The following DMD variants were observed in gnomAD, a reference collection of about 807,000 sequenced individuals.
DMD encodes mutant dystrophin.
A neutral mutation model predicts 330.1 loss-of-function variants in DMD; 63 were observed. The ratio of observed to expected loss-of-function variants is 0.19; its 90% CI spans 0.16 to 0.24. DMD has a LOEUF of 0.24. Among genes scored for constraint, DMD ranks in the 10% least tolerant of loss-of-function variants. The pLI is 1.00. For synonymous variants in DMD, 1,223 were observed against 959.8 expected (o/e 1.27, Z -5.07); for missense variants, 3,344 against 2,684.1 (o/e 1.25, Z -5.43).
At chrX:32,260,351 T>C (rs1207333807) in intron 43 of DMD, among the ~76,000 whole-genome samples, 1 of 111,730 alleles carries the variant, frequency 9.0e-6, no homozygotes, top group Non-Finnish European at 1.9e-5. Context: ...AAGCATTCAT[T>C]AGGCCACTTT....
intron 55 of DMD, among the ~76,000 whole-genome samples, chrX:31,619,091 C>G (rs1336040594): frequency 9.0e-6 from 1 of 110,787 alleles, no homozygotes; most frequent in Non-Finnish European, 1.9e-5. Context: ...AAAAAGGTAG[C>G]TATTATTATT....
intron 7 of DMD, among the ~76,000 whole-genome samples, chrX:32,785,203 TAAAA>T (rs550668969): frequency 1.0e-5 from 1 of 99,770 alleles, no homozygotes; most frequent in Non-Finnish European, 2.1e-5. Flanking sequence ...ATAAAAGCAT[TAAAA>T]AAAAAAAACC....
chrX:32,485,142 C>T, intron 20 of DMD, 43 bp from the exon 21 acceptor site: 2 of 1,162,086 alleles, frequency 1.7e-6, no homozygotes, highest in South Asian at 1.8e-5. Flanking sequence ...GTTTACTTTG[C>T]ATACATTACA....
chrX:31,734,226 AT>A (rs756808124), intron 51 of DMD, among the ~76,000 whole-genome samples: 109 of 108,042 alleles, frequency 1.0e-3, no homozygotes, highest in African/African-American at 3.2e-3. Flanking sequence ...ATATATATAT[AT>A]TTTTTTTCTG....
chrX:32,086,735 C>A (rs1238504726), intron 44 of DMD, among the ~76,000 whole-genome samples: 1 of 111,417 alleles, frequency 9.0e-6, no homozygotes, highest in African/African-American at 3.3e-5. Context: ...TGTCAACAAT[C>A]TAATTAAGGT....
intron 44 of DMD, among the ~76,000 whole-genome samples, chrX:32,040,901 C>T (rs933730883): frequency 3.6e-5 from 4 of 111,043 alleles, no homozygotes; most frequent in African/African-American, 1.3e-4. Context: ...ACATTCAGAA[C>T]CAAGGTGCAG....
At chrX:31,341,113 TAA>T (rs779675048) in intron 61 of DMD, among the ~76,000 whole-genome samples, 3 of 111,893 alleles carry the variant, frequency 2.7e-5, no homozygotes, top group Non-Finnish European at 5.6e-5. Context: ...AGGCATGCAT[TAA>T]GTTATACTAT....
chrX:31,467,588 C>A (rs772114286), intron 59 of DMD, among the ~76,000 whole-genome samples: 1 of 111,501 alleles, frequency 9.0e-6, no homozygotes, highest in Non-Finnish European at 1.9e-5. Context: ...TGAGGATTTT[C>A]GCATTGATGT....
intron 33 of DMD, among the ~76,000 whole-genome samples, chrX:32,381,104 T>A (rs761504628): frequency 9.0e-6 from 1 of 111,623 alleles, no homozygotes; most frequent in South Asian, 3.7e-4. Context: ...TGGTAAGGAA[T>A]CAAAATGAAG....
chrX:32,729,094 C>G (rs765281013), intron 7 of DMD, among the ~76,000 whole-genome samples: 1 of 111,903 alleles, frequency 8.9e-6, no homozygotes, highest in African/African-American at 3.2e-5. Flanking sequence ...GGTTGAACAT[C>G]CCTAATAGGA....
At chrX:31,162,218 T>C (rs1369377139) in intron 74 of DMD, among the ~76,000 whole-genome samples, 2 of 109,921 alleles carry the variant, frequency 1.8e-5, no homozygotes, top group Non-Finnish European at 3.8e-5. Context: ...ACTCAGTAAC[T>C]ATCTGCAGAA....
intron 55 of DMD, among the ~76,000 whole-genome samples, chrX:31,604,951 A>G (rs762177968): frequency 8.9e-6 from 1 of 112,302 alleles, no homozygotes; most frequent in East Asian, 2.8e-4. Flanking sequence ...AATTGAGTAT[A>G]TATTGAGGTT....
At chrX:32,618,091 G>T (rs1305409179) in intron 11 of DMD, among the ~76,000 whole-genome samples, 2 of 111,887 alleles carry the variant, frequency 1.8e-5, no homozygotes, top group Admixed American at 9.5e-5. Flanking sequence ...TTCAACTATT[G>T]TTGAAAACAG....
At chrX:32,514,396 A>C (rs1326278940) in intron 18 of DMD, among the ~76,000 whole-genome samples, 1 of 112,158 alleles carries the variant, frequency 8.9e-6, no homozygotes, top group Admixed American at 9.4e-5. Context: ...CTAAGTTGAA[A>C]ATATACTTAG....
At chrX:32,360,167 A>C (rs766689449) in intron 37 of DMD, among the ~76,000 whole-genome samples, 9 of 112,075 alleles carry the variant, frequency 8.0e-5, no homozygotes, top group Non-Finnish European at 1.5e-4. Flanking sequence ...AATTAGTGTT[A>C]AACATATTTT....
At chrX:32,852,502 TG>T (rs1265963979) in intron 2 of DMD, among the ~76,000 whole-genome samples, 1 of 110,802 alleles carries the variant, frequency 9.0e-6, no homozygotes, top group Non-Finnish European at 1.9e-5. Flanking sequence ...CTTGTGCTTT[TG>T]GAAAGGAGAG....
intron 16 of DMD, among the ~76,000 whole-genome samples, chrX:32,550,253 A>T (rs894547192): frequency 5.4e-5 from 6 of 111,798 alleles, no homozygotes; most frequent in Admixed American, 4.8e-4. Context: ...TCTTTAGAAA[A>T]TTTTTTTAAA....
At chrX:32,156,248 C>T (rs185068916) in intron 44 of DMD, among the ~76,000 whole-genome samples, 15 of 111,350 alleles carry the variant, frequency 1.3e-4, no homozygotes, top group Admixed American at 5.7e-4. Flanking sequence ...GGCATGGTGA[C>T]GCACACCTGT....
At chrX:31,178,447 T>A in intron 70 of DMD, 2 of 866,896 alleles carry the variant, frequency 2.3e-6, no homozygotes, top group East Asian at 4.9e-5. Context: ...TTTTTTTTTT[T>A]CCCCCTGTGA....
Sources: gnomAD v4.1 joint callset for allele counts (sites outside exome capture counted in the v4.1 genomes callset) on GRCh38, gnomAD v4.1.1 for gene constraint, MANE v1.5 for transcripts, NCBI Gene and HGNC (gene_info 2026-07-23, HGNC 2026-07-21) for gene names.